The following CCDC102B variants were observed in gnomAD, a reference collection of about 807,000 sequenced individuals.
CCDC102B encodes the protein coiled-coil domain-containing protein 102B.
CCDC102B carries 75 observed loss-of-function variants against 57.4 expected under a neutral mutation model. The observed-to-expected ratio is 1.31, with a 90% CI of 1.08 to 1.58. CCDC102B has a LOEUF of 1.58. Among genes scored for constraint, CCDC102B ranks in the 40% most tolerant of loss-of-function variants. CCDC102B has a pLI of 0.00. For synonymous variants in CCDC102B, 206 were observed against 201.9 expected (o/e 1.02, Z -0.17); for missense variants, 636 against 582.6 (o/e 1.09, Z -0.94).
intron 7 of CCDC102B, among the ~76,000 whole-genome samples, chr18:69,033,207 A>G (rs918646324): frequency 1.3e-5 from 2 of 152,166 alleles, no homozygotes; most frequent in Non-Finnish European, 2.9e-5. Context: ...TTAATTCTTC[A>G]GCTTAACATA....
intron 4 of CCDC102B, among the ~76,000 whole-genome samples, chr18:68,856,536 T>G (rs1316747510): frequency 6.6e-6 from 1 of 152,158 alleles, no homozygotes; most frequent in Non-Finnish European, 1.5e-5. Context: ...TGGCCTCTAG[T>G]GATCTTCCCA....
At chr18:68,722,113 G>T (rs2145186818) in intron 2 of CCDC102B, among the ~76,000 whole-genome samples, 1 of 152,310 alleles carries the variant, frequency 6.6e-6, no homozygotes, top group Non-Finnish European at 1.5e-5. Context: ...TGGCTTCTGA[G>T]AATTTTAGAT....
intron 2 of CCDC102B, among the ~76,000 whole-genome samples, chr18:68,740,438 A>T (rs1328646593): frequency 6.6e-6 from 1 of 152,222 alleles, no homozygotes; most frequent in Admixed American, 6.5e-5. Context: ...TAGTTTCCAT[A>T]TGAAACATTT....
At chr18:68,923,598 A>G (rs563331225) in intron 6 of CCDC102B, among the ~76,000 whole-genome samples, 36 of 152,092 alleles carry the variant, frequency 2.4e-4, no homozygotes, top group Non-Finnish European at 4.1e-4. Context: ...CTGAAATCCT[A>G]TGAGAATATG....
At chr18:68,808,550 T>C (rs2036122538) in intron 1 of CCDC102B, among the ~76,000 whole-genome samples, 1 of 141,220 alleles carries the variant, frequency 7.1e-6, no homozygotes, top group Non-Finnish European at 1.5e-5. Flanking sequence ...CTATCTCCGC[T>C]CACTGCAAGC....
At chr18:68,861,725 A>G (rs1425532696) in intron 4 of CCDC102B, among the ~76,000 whole-genome samples, 1 of 152,156 alleles carries the variant, frequency 6.6e-6, no homozygotes, top group Non-Finnish European at 1.5e-5. Context: ...TGCACTGGTC[A>G]CCACCCTACC....
intron 4 of CCDC102B, among the ~76,000 whole-genome samples, chr18:68,850,497 T>C (rs557394629): frequency 6.6e-6 from 1 of 152,156 alleles, no homozygotes; most frequent in South Asian, 2.1e-4. Context: ...CTACCTGTGA[T>C]GAGTTTCGTC....
intron 1 of CCDC102B, among the ~76,000 whole-genome samples, chr18:68,830,678 G>A (rs1217720184): frequency 6.9e-6 from 1 of 145,004 alleles, no homozygotes; most frequent in Non-Finnish European, 1.5e-5. Flanking sequence ...GAAATAGGCT[G>A]CTAAGCTCAA....
At chr18:68,939,978 T>G (rs1266164352) in intron 6 of CCDC102B, among the ~76,000 whole-genome samples, 4 of 151,820 alleles carry the variant, frequency 2.6e-5, no homozygotes, top group Non-Finnish European at 5.9e-5. Context: ...GATCATACTG[T>G]CAACACTGTT....
intron 6 of CCDC102B, among the ~76,000 whole-genome samples, chr18:68,932,014 C>T (rs1599711152): frequency 6.6e-6 from 1 of 151,950 alleles, no homozygotes; most frequent in Non-Finnish European, 1.5e-5. Context: ...CTAATCTTAT[C>T]TAAACATTCA....
intron 7 of CCDC102B, among the ~76,000 whole-genome samples, chr18:69,053,643 T>G (rs1568152998): frequency 1.3e-5 from 2 of 151,878 alleles, no homozygotes; most frequent in Admixed American, 6.6e-5. Flanking sequence ...AACATATACC[T>G]TGTTTTTAAA....
chr18:68,841,047 C>T (rs2037605882), intron 3 of CCDC102B, among the ~76,000 whole-genome samples: 1 of 152,262 alleles, frequency 6.6e-6, no homozygotes, highest in South Asian at 2.1e-4. Flanking sequence ...GTTCCTGTGT[C>T]CATGAATCAA....
At chr18:68,968,215 A>G (rs150542407) in intron 6 of CCDC102B, among the ~76,000 whole-genome samples, 34 of 152,328 alleles carry the variant, frequency 2.2e-4, no homozygotes, top group South Asian at 8.3e-4. Flanking sequence ...GCCATATAGT[A>G]TAGCCAACTG....
chr18:68,937,693 G>C (rs2049278097), intron 6 of CCDC102B, among the ~76,000 whole-genome samples: 1 of 151,928 alleles, frequency 6.6e-6, no homozygotes, highest in African/African-American at 2.4e-5. Context: ...GTGGTTTGCT[G>C]CACCCATCAA....
chr18:68,936,669 A>G (rs1280386350), intron 6 of CCDC102B, among the ~76,000 whole-genome samples: 2 of 151,930 alleles, frequency 1.3e-5, no homozygotes, highest in East Asian at 3.9e-4. Context: ...ACTGGATCAA[A>G]TAAAGATGTT....
At chr18:69,047,801 A>T (rs1345462041) in intron 7 of CCDC102B, among the ~76,000 whole-genome samples, 1 of 152,090 alleles carries the variant, frequency 6.6e-6, no homozygotes, top group East Asian at 1.9e-4. Context: ...CCCCCAAAAG[A>T]ATAGAATACC....
chr18:68,750,500 G>A (rs888464736), intron 2 of CCDC102B, among the ~76,000 whole-genome samples: 4 of 152,006 alleles, frequency 2.6e-5, no homozygotes, highest in African/African-American at 7.2e-5. Context: ...ACATGCACAC[G>A]TATGTTTATT....
intron 1 of CCDC102B, among the ~76,000 whole-genome samples, chr18:68,805,380 T>C (rs2035997513): frequency 2.6e-5 from 4 of 152,178 alleles, no homozygotes; most frequent in Non-Finnish European, 4.4e-5. Flanking sequence ...GCAATGGGTG[T>C]GTTTTCTCAA....
At chr18:69,038,168 G>A (rs2052344884) in intron 7 of CCDC102B, among the ~76,000 whole-genome samples, 1 of 151,596 alleles carries the variant, frequency 6.6e-6, no homozygotes, top group Non-Finnish European at 1.5e-5. Context: ...ACATAGTATT[G>A]TGAGGATTTT....
Sources: allele counts gnomAD v4.1 joint callset (sites outside exome capture counted in the v4.1 genomes callset), GRCh38; gene constraint gnomAD v4.1.1; transcripts MANE v1.5; gene names NCBI Gene and HGNC (gene_info 2026-07-23, HGNC 2026-07-21).